HPSE2: variants seen among roughly 807,000 people sequenced by gnomAD.
The protein encoded by HPSE2 is heparanase 2 (inactive).
In HPSE2, 38 loss-of-function variants were observed where a neutral mutation model predicts 60.5. The observed-to-expected ratio is 0.63, with a 90% CI of 0.48 to 0.82. The LOEUF (loss-of-function observed/expected upper bound fraction) is 0.82. Ranked by LOEUF, HPSE2 falls within the 40% of genes least tolerant of loss-of-function variation. The probability of loss-of-function intolerance (pLI) is 0.00; values close to 1 mark genes in which losing one functional copy is unlikely to be tolerated. For missense variants in HPSE2, 713 were observed against 740.4 expected, an observed-to-expected ratio of 0.96 and a Z score of 0.43; for synonymous variants, 295 against 293.2, an observed-to-expected ratio of 1.01 and a Z score of -0.06.
chr10:99,150,102 C>T (rs1465629328), intron 2 of HPSE2, among the ~76,000 whole-genome samples: 7 of 152,086 alleles, frequency 4.6e-5, no homozygotes, highest in African/African-American at 1.7e-4. Flanking sequence ...CAATATATAC[C>T]CTGACAGATG....
intron 2 of HPSE2, among the ~76,000 whole-genome samples, chr10:99,210,857 G>C (rs997369016): frequency 2.0e-5 from 3 of 151,992 alleles, no homozygotes; most frequent in African/African-American, 7.2e-5. Flanking sequence ...CTAAGATGAG[G>C]AATAAGATAA....
At chr10:98,703,151 T>C (rs1948455851) in intron 5 of HPSE2, among the ~76,000 whole-genome samples, 2 of 152,116 alleles carry the variant, frequency 1.3e-5, no homozygotes, top group South Asian at 4.1e-4. Context: ...GAAAATGCTA[T>C]AAACACCTCT....
At chr10:99,198,301 A>C (rs556818390) in intron 2 of HPSE2, among the ~76,000 whole-genome samples, 1 of 152,342 alleles carries the variant, frequency 6.6e-6, no homozygotes, top group Admixed American at 6.5e-5. Context: ...AATGAAACAA[A>C]CTATATTAAA....
chr10:99,002,042 T>C (rs1347031602), intron 3 of HPSE2, among the ~76,000 whole-genome samples: 1 of 152,070 alleles, frequency 6.6e-6, no homozygotes, highest in African/African-American at 2.4e-5. Flanking sequence ...CAAACACAGA[T>C]GGCAAAAGCA....
At chr10:99,132,207 G>GAA (rs1564832958) in intron 3 of HPSE2, among the ~76,000 whole-genome samples, 5 of 16,648 alleles carry the variant, frequency 3.0e-4, no homozygotes, top group Admixed American at 8.5e-4. Context: ...GAGAGAGAGA[G>GAA]AGAGAGAGAG....
chr10:99,123,265 A>C (rs1845030137), intron 3 of HPSE2, among the ~76,000 whole-genome samples: 1 of 152,216 alleles, frequency 6.6e-6, no homozygotes, highest in Non-Finnish European at 1.5e-5. Flanking sequence ...TAAGAAAAAG[A>C]TCAACACCCA....
intron 9 of HPSE2, among the ~76,000 whole-genome samples, chr10:98,496,312 A>G (rs1164330126): frequency 2.0e-5 from 3 of 152,212 alleles, no homozygotes; most frequent in Non-Finnish European, 4.4e-5. Context: ...AAAGGCACCA[A>G]TCTTTTAAAT....
Position 99,084,083 on chromosome 10 carries a change from G to A in HPSE2, c.610+60155C>T, listed in dbSNP as rs1383361717. 2.7e-5 allele frequency among the ~76,000 whole-genome samples: 4 copies of A among 148,158 alleles called. No individual in the cohort carries two copies. The South Asian group carries it at 8.6e-4, about 32-fold the overall frequency. ...AACAGAAAATATAGCTATTGGAAAAGGGCTGTCATTCACAGCCAGCTTAGA... is the reference window on the plus strand; with the variant it reads ...AACAGAAAATATAGCTATTGGAAAAAGGCTGTCATTCACAGCCAGCTTAGA... On this transcript the variant is annotated intron_variant, in intron 3 of 11. Coordinates refer to ENST00000370552, the MANE Select transcript of HPSE2 (RefSeq NM_021828.5).
At chr10:98,854,973 C>T (rs564082469) in intron 3 of HPSE2, among the ~76,000 whole-genome samples, 123 of 152,280 alleles carry the variant, frequency 8.1e-4, no homozygotes, top group Admixed American at 3.0e-3. Flanking sequence ...CTATAAAGAA[C>T]TTCACTGTCA....
At chr10:98,754,625 A>G (rs1949835814) in intron 3 of HPSE2, among the ~76,000 whole-genome samples, 1 of 151,400 alleles carries the variant, frequency 6.6e-6, no homozygotes, top group Non-Finnish European at 1.5e-5. Context: ...CAGGTCACCT[A>G]CAGAGGGAAC....
intron 9 of HPSE2, among the ~76,000 whole-genome samples, chr10:98,526,969 C>T (rs1367230554): frequency 6.6e-6 from 1 of 152,092 alleles, no homozygotes; most frequent in African/African-American, 2.4e-5. Context: ...CAAACCCACT[C>T]GGGTTTGTGC....
intron 6 of HPSE2, among the ~76,000 whole-genome samples, chr10:98,660,984 G>A (rs1326569603): frequency 1.3e-5 from 2 of 152,142 alleles, no homozygotes; most frequent in African/African-American, 4.8e-5. Flanking sequence ...GGCACCAGAG[G>A]CCAGGACACA....
At position 98,547,814 on chromosome 10, in the gene HPSE2, A is replaced by T. The variant is rs183645651; in HGVS notation, c.1321-57618T>A. Among the ~76,000 whole-genome samples the T allele has an allele frequency of 5.3e-3, 803 of 152,020 alleles. 13 individuals carry two copies. The highest frequency in any genetic ancestry group is 4.2e-3 in the Non-Finnish European group (288 of 67,974). On this transcript the variant is annotated intron_variant, in intron 9 of 11. Coordinates refer to ENST00000370552, the MANE Select transcript of HPSE2 (RefSeq NM_021828.5). ...AAAACTTAAAGTATAATAATAATAA[A>T]AAAAAGAATAGAACACAAACACACA...
intron 9 of HPSE2, among the ~76,000 whole-genome samples, chr10:98,513,635 A>C (rs922730856): frequency 2.0e-5 from 3 of 152,218 alleles, no homozygotes; most frequent in African/African-American, 7.2e-5. Context: ...TCAAAAAATC[A>C]AGGGCAGAAC....
chr10:98,492,206 T>G lies in HPSE2; in HGVS notation c.1321-2010A>C, dbSNP rs1941669749. On this transcript the variant is annotated intron_variant, in intron 9 of 11. Transcript: ENST00000370552. ...TGTTTGTAAGCAAGCCACTCACATT[T>G]GGAAAAAAGAGATATTATGTTTACG... Among the ~76,000 whole-genome samples, 3 of 152,170 alleles carry G rather than the reference T, an allele frequency of 2.0e-5. No homozygotes were observed. The South Asian group carries it at 6.2e-4, about 31-fold the overall frequency.
intron 2 of HPSE2, among the ~76,000 whole-genome samples, chr10:99,188,413 T>G (rs572804132): frequency 1.3e-5 from 2 of 152,250 alleles, no homozygotes; most frequent in South Asian, 4.1e-4. Flanking sequence ...AATTGGCAAA[T>G]TTTACCTAAT....
intron 9 of HPSE2, among the ~76,000 whole-genome samples, chr10:98,574,096 C>T (rs1944576539): frequency 6.6e-6 from 1 of 151,168 alleles, no homozygotes; most frequent in Admixed American, 6.6e-5. Flanking sequence ...CTTTCCACCT[C>T]TACAGATTGG....
At chr10:98,968,219 C>T (rs1003034157) in intron 3 of HPSE2, among the ~76,000 whole-genome samples, 1 of 152,058 alleles carries the variant, frequency 6.6e-6, no homozygotes, top group Non-Finnish European at 1.5e-5. Context: ...TTTGCAAACA[C>T]CCTAAGCATA....
At chr10:98,496,975 G>C (rs1941863335) in intron 9 of HPSE2, among the ~76,000 whole-genome samples, 1 of 150,924 alleles carries the variant, frequency 6.6e-6, no homozygotes, top group Non-Finnish European at 1.5e-5. Context: ...CCTCATATAA[G>C]GATTAGATAC....
Sources: gnomAD v4.1 joint callset for allele counts (sites outside exome capture counted in the v4.1 genomes callset) on GRCh38, gnomAD v4.1.1 for gene constraint, MANE v1.5 for transcripts, NCBI Gene and HGNC (gene_info 2026-07-23, HGNC 2026-07-21) for gene names.